The following SNU13 variants were observed in gnomAD, a reference collection of about 807,000 sequenced individuals.
SNU13 encodes the protein small nuclear ribonucleoprotein 13.
In SNU13, 2 loss-of-function variants were observed where a neutral mutation model predicts 12.4. That is an observed-to-expected ratio of 0.16 (90% CI 0.07 to 0.51). The LOEUF (loss-of-function observed/expected upper bound fraction) is 0.51, where lower values mean the gene tolerates loss of function less well. Ranked by LOEUF, SNU13 falls within the 20% of genes least tolerant of loss-of-function variation. The pLI is 0.96. For synonymous variants in SNU13, 68 were observed against 66.5 expected (o/e 1.02, Z -0.11); for missense variants, 66 against 157.8 (o/e 0.42, Z 3.12).
At chr22:41,680,427 A>G in intron 1 of SNU13, 63 bp from the exon 2 acceptor site, 1 of 1,560,800 alleles carries the variant, frequency 6.4e-7, no homozygotes, top group Non-Finnish European at 8.7e-7. Flanking sequence ...CTGAGTCACA[A>G]AATACTAATC....
chr22:41,680,043 G>A (rs1038076985), intron 2 of SNU13, among the ~76,000 whole-genome samples: 4 of 152,132 alleles, frequency 2.6e-5, no homozygotes, highest in Non-Finnish European at 5.9e-5. Context: ...GAAAAAGAAG[G>A]TAAATGTGGC....
chr22:41,675,558 A>G (rs907715587), intron 2 of SNU13, among the ~76,000 whole-genome samples: 1 of 151,080 alleles, frequency 6.6e-6, no homozygotes, highest in Admixed American at 6.6e-5. Flanking sequence ...AGCAGCTGGG[A>G]TTACAGGCAC....
chr22:41,682,311 T>G (rs753230173), intron 1 of SNU13: 1 of 1,578,996 alleles, frequency 6.3e-7, no homozygotes, highest in South Asian at 1.1e-5. Flanking sequence ...GCACCACAGC[T>G]CTCGGGAGGT....
chr22:41,680,636 C>T (rs544671253), intron 1 of SNU13, among the ~76,000 whole-genome samples: 5 of 152,308 alleles, frequency 3.3e-5, no homozygotes, highest in East Asian at 1.9e-4. Context: ...AATATTACAG[C>T]AAATGGATTA....
At chr22:41,688,010 A>T (rs1487578019) in intron 1 of SNU13, 1 of 152,216 alleles carries the variant, frequency 6.6e-6, no homozygotes, top group Non-Finnish European at 1.5e-5. Flanking sequence ...TAACTATAGA[A>T]GTTACAGTGC....
intron 1 of SNU13, among the ~76,000 whole-genome samples, chr22:41,687,454 T>C (rs756141776): frequency 6.6e-6 from 1 of 152,196 alleles, no homozygotes; most frequent in Non-Finnish European, 1.5e-5. Context: ...ATCTGAACAA[T>C]CATTAAATAC....
chr22:41,689,683 AG>A (rs1319750193), upstream of SNU13, among the ~76,000 whole-genome samples: 1 of 149,832 alleles, frequency 6.7e-6, no homozygotes, highest in Non-Finnish European at 1.5e-5. Flanking sequence ...AAAAAAAAGA[AG>A]AAAAAAAAGA....
intron 1 of SNU13, among the ~76,000 whole-genome samples, chr22:41,683,744 A>C (rs1168447699): frequency 6.6e-6 from 1 of 152,188 alleles, no homozygotes; most frequent in Non-Finnish European, 1.5e-5. Context: ...AACAACTTGC[A>C]CACCCACCAG....
chr22:41,678,948 G>GC (rs2068237594), intron 2 of SNU13, among the ~76,000 whole-genome samples: 2 of 152,182 alleles, frequency 1.3e-5, no homozygotes, highest in Admixed American at 1.3e-4. Flanking sequence ...AAACTACCCA[G>GC]CATCTATTAA....
chr22:41,675,298 G>T, intron 2 of SNU13, 103 bp from the exon 3 acceptor site: 1 of 1,412,476 alleles, frequency 7.1e-7, no homozygotes, highest in Non-Finnish European at 9.7e-7. Context: ...ATGTGTCCTA[G>T]ACCGGCCCTG....
intron 2 of SNU13, among the ~76,000 whole-genome samples, chr22:41,679,010 C>A (rs2068238129): frequency 6.6e-6 from 1 of 152,174 alleles, no homozygotes; most frequent in Admixed American, 6.5e-5. Context: ...GTTATCCTAA[C>A]ACTTTGGGAG....
upstream of SNU13, chr22:41,689,171 G>A: frequency 1.2e-6 from 1 of 856,520 alleles, no homozygotes; most frequent in Non-Finnish European, 1.4e-6. Flanking sequence ...AGACCAGCCT[G>A]GCCAACATGG....
intron 1 of SNU13, among the ~76,000 whole-genome samples, chr22:41,687,283 C>T (rs945724516): frequency 2.6e-5 from 4 of 152,100 alleles, no homozygotes; most frequent in South Asian, 2.1e-4. Context: ...AATAGATATA[C>T]TTAGAAATAT....
chr22:41,682,243 G>A, intron 1 of SNU13: 2 of 1,170,586 alleles, frequency 1.7e-6, no homozygotes, highest in Non-Finnish European at 1.3e-6. Context: ...CCGCGCACCT[G>A]CCTTTTCCTC....
Position 41,688,842 on chromosome 22 carries a change from C to G in SNU13, c.-46G>C. On this transcript the variant is annotated 5_prime_UTR_variant, in exon 1 of 3. Coordinates refer to ENST00000401959, the MANE Select transcript of SNU13 (RefSeq NM_001003796.2). ...AGCACTCCTAGGGGAGCGCAGCTGA[C>G]GTTTCAGAAGCACTCGCGTGCACCG... 2 of 1,564,502 alleles carry G rather than the reference C, an allele frequency of 1.3e-6. No homozygotes were observed. The highest frequency in any genetic ancestry group is 1.7e-6 in the Non-Finnish European group (2 of 1,146,128).
At chr22:41,684,877 A>C (rs2068297787) in intron 1 of SNU13, among the ~76,000 whole-genome samples, 1 of 152,114 alleles carries the variant, frequency 6.6e-6, no homozygotes, top group Non-Finnish European at 1.5e-5. Context: ...GGGGCAGTCC[A>C]GGCACAGTGG....
chr22:41,688,779 G>C lies in SNU13; in HGVS notation c.3+15C>G, dbSNP rs765727513. The C allele has an allele frequency of 3.8e-6, 6 of 1,597,850 alleles. No homozygotes were observed. Among genetic ancestry groups the C allele is most frequent in the African/African-American group, 2.7e-5 (2 of 74,920 alleles). On this transcript the variant is annotated intron_variant, in intron 1 of 2. Coordinates refer to ENST00000401959, the MANE Select transcript of SNU13 (RefSeq NM_001003796.2). ...TCTCCCGCTTCCCGGTCCCTCGGCC[G>C]GCGCACGCACTCACCATGGCTGCGG... is the stretch of plus-strand genomic sequence containing the variant.
intron 2 of SNU13, among the ~76,000 whole-genome samples, chr22:41,675,496 A>G (rs2068204239): frequency 6.6e-6 from 1 of 151,314 alleles, no homozygotes; most frequent in African/African-American, 2.4e-5. Flanking sequence ...ATCTTGGCTC[A>G]CTTCAACCTC....
intron 1 of SNU13, among the ~76,000 whole-genome samples, chr22:41,681,762 T>C (rs149932955): frequency 2.8e-3 from 421 of 152,330 alleles, no homozygotes; most frequent in Non-Finnish European, 5.0e-3. Context: ...CCTGTAGTCC[T>C]AGCTACTCGA....
Sources: allele counts gnomAD v4.1 joint callset (sites outside exome capture counted in the v4.1 genomes callset), GRCh38; gene constraint gnomAD v4.1.1; transcripts MANE v1.5; gene names NCBI Gene and HGNC (gene_info 2026-07-23, HGNC 2026-07-21).